Variants in PDE4D observed in about 807,000 individuals in gnomAD.
PDE4D encodes phosphodiesterase 4D.
PDE4D carries 24 observed loss-of-function variants against 87.4 expected under a neutral mutation model. The observed-to-expected ratio is 0.27, with a 90% confidence interval of 0.20 to 0.39. PDE4D has a LOEUF of 0.39. PDE4D is among the 10% of genes least tolerant of loss of function. The probability of loss-of-function intolerance (pLI) is 1.00; values close to 1 mark genes in which losing one functional copy is unlikely to be tolerated. For synonymous variants in PDE4D, 384 were observed against 383.2 expected, an observed-to-expected ratio of 1.00 and a Z score of -0.02; for missense variants, 714 against 1,041.0, an observed-to-expected ratio of 0.69 and a Z score of 4.32.
intron 1 of PDE4D, among the ~76,000 whole-genome samples, chr5:59,772,377 A>G (rs938352500): frequency 9.2e-5 from 14 of 152,256 alleles, no homozygotes; most frequent in African/African-American, 1.7e-4. Flanking sequence ...TGGAAATTTG[A>G]AAGTGGGCGA....
At chr5:59,824,442 G>T (rs1770079500) in intron 1 of PDE4D, among the ~76,000 whole-genome samples, 1 of 152,106 alleles carries the variant, frequency 6.6e-6, no homozygotes, top group Non-Finnish European at 1.5e-5. Flanking sequence ...GTTCACTGCA[G>T]CATCCCTTAT....
intron 1 of PDE4D, among the ~76,000 whole-genome samples, chr5:59,561,361 T>A (rs1819947220): frequency 6.6e-6 from 1 of 152,202 alleles, no homozygotes; most frequent in Non-Finnish European, 1.5e-5. Flanking sequence ...AACAAGCTAC[T>A]AGCTCTGATT....
intron 5 of PDE4D, among the ~76,000 whole-genome samples, chr5:59,075,075 AACACACACAC>A (rs70973189): frequency 0.024 from 3,111 of 129,842 alleles, 39 homozygotes; most frequent in South Asian, 0.071. Context: ...AAGCTTACAA[AACACACACAC>A]ACACACACAC....
At position 59,215,899 on chromosome 5, in the gene PDE4D, C is replaced by G; in HGVS notation, c.525G>C (p.Gly175=). Residue 175 remains glycine (G), a synonymous_variant, in exon 2 of 15, where the codon GGG becomes GGC. Coordinates refer to ENST00000340635, the MANE Select transcript of PDE4D (RefSeq NM_001104631.2). ...PLDPMTSPGS[G]LILQANFVHS... is the part of the protein sequence containing the mutation. ...GGACAAAATTTGCTTGGAGAATTAG[C>G]CCGGATCCTGGGCTGGTCATGGGAT... 6.2e-7 allele frequency: 1 copy of G among 1,613,526 alleles called. No individual in the cohort carries two copies. Among genetic ancestry groups the G allele is most frequent in the Non-Finnish European group, 8.5e-7 (1 of 1,179,608 alleles).
intron 1 of PDE4D, among the ~76,000 whole-genome samples, chr5:60,496,926 T>G (rs1749839962): frequency 6.6e-6 from 1 of 152,222 alleles, no homozygotes; most frequent in Non-Finnish European, 1.5e-5. Context: ...CACATTAATA[T>G]ATGAAGCTTT....
intron 2 of PDE4D, among the ~76,000 whole-genome samples, chr5:60,065,783 C>T (rs938838156): frequency 2.6e-5 from 4 of 152,084 alleles, no homozygotes; most frequent in Admixed American, 1.3e-4. Context: ...TTTATGGCTG[C>T]GTAGTATTCC....
intron 1 of PDE4D, among the ~76,000 whole-genome samples, chr5:59,336,969 A>G (rs1777769976): frequency 6.6e-6 from 1 of 152,174 alleles, no homozygotes; most frequent in African/African-American, 2.4e-5. Flanking sequence ...AAAAAACATT[A>G]ACTCATGTCT....
chr5:60,236,665 G>C (rs183780693), intron 1 of PDE4D, among the ~76,000 whole-genome samples: 1 of 151,966 alleles, frequency 6.6e-6, no homozygotes, highest in East Asian at 1.9e-4. Context: ...TATTTGGTTG[G>C]GGCTACTTTA....
At chr5:60,164,411 G>C (rs1413084514) in intron 2 of PDE4D, among the ~76,000 whole-genome samples, 1 of 152,068 alleles carries the variant, frequency 6.6e-6, no homozygotes, top group African/African-American at 2.4e-5. Flanking sequence ...CCAAAACCTA[G>C]TGAAATCTGA....
intron 1 of PDE4D, among the ~76,000 whole-genome samples, chr5:59,490,223 C>T (rs1232055304): frequency 6.6e-6 from 1 of 152,014 alleles, no homozygotes; most frequent in Non-Finnish European, 1.5e-5. Flanking sequence ...AAGTGATTTT[C>T]TAAAAAGTAG....
intron 5 of PDE4D, among the ~76,000 whole-genome samples, chr5:59,106,204 C>T (rs1771551922): frequency 6.6e-6 from 1 of 152,120 alleles, no homozygotes; most frequent in Non-Finnish European, 1.5e-5. Flanking sequence ...ACTGAGCTTC[C>T]TTTGGAAAGG....
At chr5:59,660,173 A>G (rs1208352476) in intron 1 of PDE4D, among the ~76,000 whole-genome samples, 2 of 152,054 alleles carry the variant, frequency 1.3e-5, no homozygotes, top group African/African-American at 4.8e-5. Context: ...TGGGCAACAG[A>G]GTCTCACTCT....
chr5:60,311,569 C>T (rs1302027537), intron 1 of PDE4D, among the ~76,000 whole-genome samples: 1 of 152,046 alleles, frequency 6.6e-6, no homozygotes, highest in Non-Finnish European at 1.5e-5. Context: ...TAAGGAAGTA[C>T]CAAATATGAA....
chr5:59,946,640 G>A (rs147116924), intron 3 of PDE4D, among the ~76,000 whole-genome samples: 3 of 152,286 alleles, frequency 2.0e-5, no homozygotes, highest in African/African-American at 7.2e-5. Flanking sequence ...GGAGTCCTTA[G>A]CATTTGCCAG....
intron 3 of PDE4D, among the ~76,000 whole-genome samples, chr5:59,967,116 G>GT: frequency 6.6e-6 from 1 of 151,980 alleles, no homozygotes; most frequent in East Asian, 1.9e-4. Context: ...TTCATACCAC[G>GT]TAAGGGTTAC....
At chr5:59,081,518 T>TTAAAAAAAAAAAAAAA in intron 5 of PDE4D, among the ~76,000 whole-genome samples, 1 of 135,436 alleles carries the variant, frequency 7.4e-6, no homozygotes, top group Non-Finnish European at 1.6e-5. Context: ...AGTAATCAGG[T>TTAAAAAAAAAAAAAAA]AAAAAAAAAA....
At chr5:59,153,203 A>T (rs549581669) in intron 5 of PDE4D, among the ~76,000 whole-genome samples, 1 of 152,136 alleles carries the variant, frequency 6.6e-6, no homozygotes, top group Admixed American at 6.5e-5. Context: ...AGGCTGAATA[A>T]ATAGTGTTCT....
At chr5:59,387,919 T>A (rs1562084287) in intron 1 of PDE4D, among the ~76,000 whole-genome samples, 2 of 152,120 alleles carry the variant, frequency 1.3e-5, no homozygotes, top group Non-Finnish European at 2.9e-5. Context: ...TGAAATTTTG[T>A]GTCCTTTGAC....
At chr5:59,227,408 GAGCTTC>G (rs1754038524) in intron 1 of PDE4D, among the ~76,000 whole-genome samples, 1 of 138,672 alleles carries the variant, frequency 7.2e-6, no homozygotes, top group Admixed American at 6.9e-5. Context: ...TTAAACTAAA[GAGCTTC>G]TGCACAGGAA....
Sources: gnomAD v4.1 joint callset for allele counts (sites outside exome capture counted in the v4.1 genomes callset) on GRCh38, gnomAD v4.1.1 for gene constraint, MANE v1.5 for transcripts, NCBI Gene and HGNC (gene_info 2026-07-23, HGNC 2026-07-21) for gene names.